HERC1: variants seen among roughly 807,000 people sequenced by gnomAD.
HERC1 encodes HECT and RLD domain containing E3 ubiquitin protein ligase family member 1.
A neutral mutation model predicts 554.3 loss-of-function variants in HERC1; 160 were observed. That is an observed-to-expected ratio of 0.29 (90% CI 0.25 to 0.33). The LOEUF is 0.33. HERC1 is among the 10% of genes least tolerant of loss of function. The pLI, the probability that HERC1 is intolerant of heterozygous loss-of-function variation, is 1.00. For synonymous variants in HERC1, 2,175 were observed against 2,131.7 expected, an observed-to-expected ratio of 1.02 and a Z score of -0.56; for missense variants, 4,919 against 5,918.5, an observed-to-expected ratio of 0.83 and a Z score of 5.54.
chr15:63,687,945 T>C (rs369792899), intron 33 of HERC1, among the ~76,000 whole-genome samples: 7 of 152,190 alleles, frequency 4.6e-5, no homozygotes, highest in African/African-American at 7.2e-5. Flanking sequence ...GCTTAGACTA[T>C]AGTGAGCAAA....
Position 63,729,598 on chromosome 15 carries a change from T to C in HERC1, c.2920A>G (p.Thr974Ala), listed in dbSNP as rs750594195. The C allele has an allele frequency of 5.6e-6, 9 of 1,613,652 alleles. No homozygotes were observed. Among genetic ancestry groups the C allele is most frequent in the Non-Finnish European group, 6.8e-6 (8 of 1,179,672 alleles). ...EKNSDKFLLG[T>A]SSSENSQPAH... The stretch of plus-strand genomic sequence containing the variant: ...GGCTGACTGTTTTCTGATGATGATG[T>C]TCCAAGTAGAAATTTATCACTATTC... The change falls in exon 15 of 78, where the codon ACA becomes GCA. Residue 974 changes from threonine to alanine, a missense_variant. Around this residue, in one of 11 missense-constraint regions of HERC1, gnomAD observed 744 missense variants for 1,090.0 expected, o/e 0.68. Coordinates refer to ENST00000443617, the MANE Select transcript of HERC1 (RefSeq NM_003922.4).
chr15:63,729,280 A>G lies in HERC1; in HGVS notation c.3110T>C (p.Leu1037Pro). The change falls in exon 16 of 78, where the codon CTC (leucine) becomes CCC (proline). Residue 1037 changes from leucine (L) to proline (P), a missense_variant. Leu to Pro is a moderately conservative substitution (Grantham distance 98, BLOSUM62 -3). This residue lies in a region of HERC1 where 1,121 missense variants were observed against 1,244.0 expected (regional missense o/e 0.90). Transcript: ENST00000443617. ...ACTGCCATTCCAAGGACTTTCTTTG[A>G]GCAAATTTGCAGAACGTGAATAAAT... The part of the protein sequence containing the change: ...TDIYSRSANL[L>P]KESPWNGSVG... The G allele has an allele frequency of 6.2e-7, 1 of 1,609,424 alleles. No homozygotes were observed. The highest frequency in any genetic ancestry group is 8.5e-7 in the Non-Finnish European group (1 of 1,178,594).
intron 1 of HERC1, among the ~76,000 whole-genome samples, chr15:63,795,617 T>C (rs1324171900): frequency 6.6e-6 from 1 of 152,224 alleles, no homozygotes; most frequent in Non-Finnish European, 1.5e-5. Context: ...TGTTCCCTGG[T>C]GCCACAAAGA....
chr15:63,761,499 A>G (rs2075609751), intron 3 of HERC1, among the ~76,000 whole-genome samples: 1 of 151,886 alleles, frequency 6.6e-6, no homozygotes, highest in East Asian at 1.9e-4. Context: ...AGGCTGGAAG[A>G]TCACTTGAGC....
chr15:63,739,873 C>A (rs1003763582), intron 12 of HERC1, among the ~76,000 whole-genome samples: 3 of 150,482 alleles, frequency 2.0e-5, no homozygotes, highest in Non-Finnish European at 4.4e-5. Context: ...TGGACTTACA[C>A]AATAAGCCCT....
rs751817282 is a variant in HERC1, at chr15:63,678,385, G to A, written c.6550-20C>T. The stretch of plus-strand genomic sequence containing the variant: ...TTTCACCTATATAAAAGTAAAGAGG[G>A]TGGAAAACACATGCTATTAGTAGTT... On this transcript the variant is annotated intron_variant, in intron 36 of 77. Transcript: ENST00000443617. 1.9e-6 allele frequency: 3 copies of A among 1,554,468 alleles called. No homozygotes were observed. In the East Asian group the frequency reaches 6.8e-5, roughly 35 times the overall value.
At chr15:63,689,068 G>A (rs1162463980) in intron 33 of HERC1, among the ~76,000 whole-genome samples, 3 of 152,182 alleles carry the variant, frequency 2.0e-5, no homozygotes, top group Non-Finnish European at 4.4e-5. Flanking sequence ...TGAAGGCAAG[G>A]TAAAAGTGGC....
Position 63,693,092 on chromosome 15 carries a change from C to T in HERC1, c.5675-526G>A, listed in dbSNP as rs560541295. On this transcript the variant is annotated intron_variant, in intron 30 of 77. Transcript: ENST00000443617. The stretch of plus-strand genomic sequence containing the variant: ...GCCACTCAGGCTGAGGCAGCACAAT[C>T]GCTTGAACCTGGGAGGCAGAGGTTG... Among the ~76,000 whole-genome samples the T allele has an allele frequency of 5.7e-4, 86 of 152,086 alleles. 1 individual carries two copies. The highest frequency in any genetic ancestry group is 1.9e-3 in the African/African-American group (77 of 41,508).
chr15:63,650,065 G>GAA, intron 53 of HERC1, 140 bp from the exon 54 acceptor site: 1 of 632,886 alleles, frequency 1.6e-6, no homozygotes, highest in Non-Finnish European at 2.7e-6. Context: ...ATAAGACCAT[G>GAA]AAGGCAGGAT....
intron 24 of HERC1, among the ~76,000 whole-genome samples, chr15:63,709,117 G>A (rs923089357): frequency 4.6e-5 from 7 of 151,512 alleles, no homozygotes; most frequent in African/African-American, 1.7e-4. Context: ...AGCCTCCCGA[G>A]TAGCTGGGAC....
chr15:63,689,524 C>A, intron 33 of HERC1, 65 bp downstream of exon 33: 1 of 866,952 alleles, frequency 1.2e-6, no homozygotes, highest in South Asian at 1.7e-5. Flanking sequence ...AACAGGCATT[C>A]AGAGACAAGT....
In HERC1 at chr15:63,758,687, TAATAC is replaced by T. The variant is rs1427997100; in HGVS notation, c.1027-323_1027-319del. On this transcript the variant is annotated intron_variant, in intron 3 of 77. Coordinates refer to ENST00000443617, the MANE Select transcript of HERC1 (RefSeq NM_003922.4). This position sits in a 1 kb window ranked among gnomAD's most constrained non-coding sequence, Gnocchi z 4.0. ...ATCACCATGGATAATCTTAACATCT[TAATAC>T]AATAAATTTTACCTTTTAAATATAT... Among the ~76,000 whole-genome samples the T allele has an allele frequency of 1.3e-5, 2 of 152,206 alleles. No homozygotes were observed. Among genetic ancestry groups the T allele is most frequent in the African/African-American group, 2.4e-5 (1 of 41,456 alleles).
chr15:63,819,365 G>A (rs769653037), intron 1 of HERC1, among the ~76,000 whole-genome samples: 14 of 152,286 alleles, frequency 9.2e-5, no homozygotes, highest in Non-Finnish European at 1.8e-4. Context: ...CACATCAATT[G>A]AGAAAATGTT....
In HERC1 at chr15:63,775,429, A is replaced by C; in HGVS notation, c.195T>G (p.Phe65Leu). Residue 65 changes from phenylalanine to leucine, a missense_variant, in exon 2 of 78, where the codon TTT becomes TTG. Around this residue, in one of 11 missense-constraint regions of HERC1, gnomAD observed 110 missense variants for 99.3 expected, o/e 1.11. Transcript: ENST00000443617. The surrounding 1 kb of genome is among the most constrained non-coding windows in gnomAD (Gnocchi z 4.0). ...CATCACTTGAAAGAGACTCACGTTCAAAGTCTGGCAACTGTGGTCCTTTGA... is the reference window on the plus strand; with the variant it reads ...CATCACTTGAAAGAGACTCACGTTCCAAGTCTGGCAACTGTGGTCCTTTGA... ...LCLKGPQLPD[F>L]ERESLSSDEQ... is the part of the protein sequence containing the mutation. 8 of 1,614,056 alleles carry C rather than the reference A, an allele frequency of 5.0e-6. No homozygotes were observed. The highest frequency in any genetic ancestry group is 6.8e-6 in the Non-Finnish European group (8 of 1,179,890).
chr15:63,653,255 A>G (rs943135474), intron 51 of HERC1, among the ~76,000 whole-genome samples: 16 of 152,274 alleles, frequency 1.1e-4, no homozygotes, highest in African/African-American at 3.8e-4. Context: ...AGCCTGGCCA[A>G]CATGGAAAAA....
intron 1 of HERC1, among the ~76,000 whole-genome samples, chr15:63,795,760 C>T (rs1033482677): frequency 6.6e-6 from 1 of 152,186 alleles, no homozygotes; most frequent in African/African-American, 2.4e-5. Flanking sequence ...TATAATCTCA[C>T]GCGTCCACCC....
intron 14 of HERC1, among the ~76,000 whole-genome samples, chr15:63,730,993 C>T (rs2074267859): frequency 6.6e-6 from 1 of 152,100 alleles, no homozygotes; most frequent in South Asian, 2.1e-4. Flanking sequence ...TATTTCTTTC[C>T]TTTGTCCTTT....
chr15:63,747,753 C>A lies in HERC1; in HGVS notation c.2325G>T (p.Glu775Asp). ...ATGAAGGGAAAGGGAGTGGGGGAAT[C>A]TCACTGTTTATTTTATCACAGTATC... ...LERYCDKINS[E>D]IPPLPFPSSR... is the part of the protein sequence containing the mutation. The change falls in exon 11 of 78, where the codon GAG becomes GAT. Residue 775 changes from glutamate (E) to aspartate (D), a missense_variant. Glu to Asp is a conservative substitution (Grantham distance 45, BLOSUM62 2). Around this residue, in one of 11 missense-constraint regions of HERC1, gnomAD observed 744 missense variants for 1,090.0 expected, o/e 0.68. Transcript: ENST00000443617. 1 of 1,550,412 alleles carries A rather than the reference C, an allele frequency of 6.4e-7. No individual in the cohort carries two copies.
chr15:63,806,281 A>G (rs1400971201), intron 1 of HERC1, among the ~76,000 whole-genome samples: 1 of 151,686 alleles, frequency 6.6e-6, no homozygotes, highest in African/African-American at 2.4e-5. Context: ...GGCTGAAGCA[A>G]TCTTCCCACC....
Sources: gnomAD v4.1 joint callset for allele counts (sites outside exome capture counted in the v4.1 genomes callset) on GRCh38, gnomAD v4.1.1 for gene constraint, gnomAD v4.1.1 regional missense constraint, Gnocchi (gnomAD v3.1) non-coding constraint, MANE v1.5 for transcripts, NCBI Gene and HGNC (gene_info 2026-07-23, HGNC 2026-07-21) for gene names.